Variants in GCNT1 observed in about 807,000 individuals in gnomAD.
GCNT1 encodes the protein glucosaminyl (N-acetyl) transferase 1, also known as beta-1,3-galactosyl-O-glycosyl-glycoprotein beta-1,6-N-acetylglucosaminyltransferase.
A neutral mutation model predicts 26.2 loss-of-function variants in GCNT1; 16 were observed. The observed-to-expected ratio is 0.61, with a 90% confidence interval of 0.41 to 0.93. The LOEUF (loss-of-function observed/expected upper bound fraction) is 0.93, where lower values mean the gene tolerates loss of function less well. Among genes scored for constraint, GCNT1 ranks in the 40% least tolerant of loss-of-function variants. The probability of loss-of-function intolerance (pLI) is 0.00; values close to 1 mark genes in which losing one functional copy is unlikely to be tolerated. For synonymous variants in GCNT1, 183 were observed against 190.8 expected (o/e 0.96, Z 0.34); for missense variants, 477 against 526.7 (o/e 0.91, Z 0.92).
At chr9:76,462,917 A>G (rs1034071194) in intron 2 of GCNT1, among the ~76,000 whole-genome samples, 1 of 152,228 alleles carries the variant, frequency 6.6e-6, no homozygotes, top group South Asian at 2.1e-4. Flanking sequence ...TAAAAAGTTG[A>G]AAATGAAAAA....
Position 76,503,552 on chromosome 9 carries a change from A to G in GCNT1, c.1171A>G (p.Met391Val), listed in dbSNP as rs748889157. 8.1e-6 allele frequency: 13 copies of G among 1,614,038 alleles called. No individual in the cohort carries two copies. Among genetic ancestry groups the G allele is most frequent in the Middle Eastern group, 1.6e-4 (1 of 6,084 alleles). ...TTTCGGAGCTGGTGACTTGAACTGGATGCTGCGCAAACACCACTTGTTTGC... is the reference window on the plus strand; with the variant it reads ...TTTCGGAGCTGGTGACTTGAACTGGGTGCTGCGCAAACACCACTTGTTTGC... ...CIFGAGDLNW[M>V]LRKHHLFANK... Residue 391 changes from methionine (M) to valine (V), a missense_variant, in exon 4 of 4, where the codon ATG (methionine) becomes GTG (valine). Met to Val is a conservative substitution (Grantham distance 21). Coordinates refer to ENST00000376730, the MANE Select transcript of GCNT1 (RefSeq NM_001490.5).
At chr9:76,486,087 G>T (rs183265572) in intron 2 of GCNT1, among the ~76,000 whole-genome samples, 1 of 152,218 alleles carries the variant, frequency 6.6e-6, no homozygotes, top group Non-Finnish European at 1.5e-5. Flanking sequence ...GCCAGATTAT[G>T]TGAGTTTGAA....
At position 76,506,871 on chromosome 9, in the gene GCNT1, G is replaced by A. The variant is rs1825252379; in HGVS notation, c.*3203G>A. ...GTTCGTTTTCTCTGTAGGGTCGATT[G>A]AATTGGACCTTTTCAGTTGTTCAGA... is the stretch of plus-strand genomic sequence containing the variant. On this transcript the variant is annotated 3_prime_UTR_variant, in exon 4 of 4. Coordinates refer to ENST00000376730, the MANE Select transcript of GCNT1 (RefSeq NM_001490.5). The A allele has an allele frequency of 6.0e-6, 1 of 166,936 alleles. No individual in the cohort carries two copies. The highest frequency in any genetic ancestry group is 2.1e-4 in the South Asian group (1 of 4,816). The allele number at this position is 166,936 out of a possible 1,614,324, so 10.3% of individuals were successfully genotyped here. A position where few individuals can be genotyped will look rare whatever the true frequency, so the allele number is the denominator to read the frequency against.
chr9:76,407,093 C>T, the GCNT1 span, among the ~76,000 whole-genome samples: 2 of 151,790 alleles, frequency 1.3e-5, no homozygotes, highest in Non-Finnish European at 2.9e-5. Context: ...AGATTTTCTC[C>T]TATGTTATCT....
chr9:76,498,598 C>T (rs1383925874), intron 2 of GCNT1, among the ~76,000 whole-genome samples: 2 of 151,980 alleles, frequency 1.3e-5, no homozygotes, highest in East Asian at 3.9e-4. Context: ...CATCATGAAA[C>T]CCCGTCTCTA....
chr9:76,395,973 GA>G, the GCNT1 span, among the ~76,000 whole-genome samples: 1 of 152,108 alleles, frequency 6.6e-6, no homozygotes, highest in Non-Finnish European at 1.5e-5. Flanking sequence ...AGGTCAGAAT[GA>G]TTTTTTTGTA....
chr9:76,419,019 G>C (rs567772403), upstream of GCNT1, among the ~76,000 whole-genome samples: 8 of 152,278 alleles, frequency 5.3e-5, no homozygotes, highest in East Asian at 1.9e-4. Flanking sequence ...AGGCTGGAGG[G>C]GGGTGTCAGA....
intron 1 of GCNT1, among the ~76,000 whole-genome samples, chr9:76,452,003 C>T (rs1823675406): frequency 7.7e-6 from 1 of 130,654 alleles, no homozygotes; most frequent in African/African-American, 2.9e-5. Context: ...GAGTCTCTCT[C>T]TGTCGCCCAG....
rs137965616 is a variant in GCNT1 at position 76,505,052 on chromosome 9, G to T, written c.*1384G>T. On this transcript the variant is annotated 3_prime_UTR_variant, in exon 4 of 4. Transcript: ENST00000376730. ...ATTCAAATCTTAAAAAGAAATTCTC[G>T]TACTTTTGCCATGTTGATACTGTTC... The T allele has an allele frequency of 8.3e-4, 344 of 412,326 alleles. 3 individuals are homozygous for T. Among genetic ancestry groups the T allele is most frequent in the African/African-American group, 6.2e-3 (303 of 48,688 alleles). 25.5% of individuals were successfully genotyped at this position (412,326 alleles called of 1,614,324 possible). A position where few individuals can be genotyped will look rare whatever the true frequency, so the allele number is the denominator to read the frequency against.
chr9:76,503,064 A>G lies in GCNT1; in HGVS notation c.683A>G (p.Glu228Gly). 1 of 1,614,126 alleles carries G rather than the reference A, an allele frequency of 6.2e-7. No individual in the cohort carries two copies. Among genetic ancestry groups the G allele is most frequent in the Non-Finnish European group, 8.5e-7 (1 of 1,180,014 alleles). Reference sequence around the variant, plus strand: ...GATTTTCCCATTAAAACCAACCTAGAAATTGTCAGGAAGCTCAAGTTGTTA... The same window carrying G: ...GATTTTCCCATTAAAACCAACCTAGGAATTGTCAGGAAGCTCAAGTTGTTA... ...GMDFPIKTNL[E>G]IVRKLKLLMG... The change falls in exon 4 of 4, where the codon GAA becomes GGA. Residue 228 changes from glutamate (E) to glycine (G), a missense_variant. By Grantham distance (98) the Glu-to-Gly change is moderately conservative. Coordinates refer to ENST00000376730, the MANE Select transcript of GCNT1 (RefSeq NM_001490.5).
At chr9:76,454,661 G>A (rs1823724563), upstream of GCNT1, among the ~76,000 whole-genome samples, 1 of 151,518 alleles carries the variant, frequency 6.6e-6, no homozygotes, top group Non-Finnish European at 1.5e-5. Flanking sequence ...TTGTTTTTGT[G>A]ATAGTGAGTG....
the GCNT1 span, among the ~76,000 whole-genome samples, chr9:76,404,835 T>A: frequency 6.6e-6 from 1 of 152,098 alleles, no homozygotes; most frequent in Non-Finnish European, 1.5e-5. Flanking sequence ...TTTTTTTTTT[T>A]TAAACAGAGT....
At chr9:76,438,661 G>A (rs1351249848), upstream of GCNT1, among the ~76,000 whole-genome samples, 1 of 152,094 alleles carries the variant, frequency 6.6e-6, no homozygotes, top group Non-Finnish European at 1.5e-5. Flanking sequence ...TCATCCTTCT[G>A]AGTAAAAATT....
chr9:76,451,948 CTTT>C (rs747978017), intron 1 of GCNT1, among the ~76,000 whole-genome samples: 1 of 98,434 alleles, frequency 1.0e-5, no homozygotes. Context: ...TTCTTTCTTT[CTTT>C]TTTTTTTTTT....
At chr9:76,485,261 C>T (rs1017485839) in intron 2 of GCNT1, among the ~76,000 whole-genome samples, 8 of 152,124 alleles carry the variant, frequency 5.3e-5, no homozygotes, top group African/African-American at 1.9e-4. Context: ...CAACCTCCAC[C>T]TCCCAGGTTC....
intron 2 of GCNT1, among the ~76,000 whole-genome samples, chr9:76,498,645 T>G (rs1587456796): frequency 1.3e-5 from 2 of 151,742 alleles, no homozygotes; most frequent in East Asian, 1.9e-4. Flanking sequence ...TGGGGGCGGG[T>G]GCCTGTAATC....
At position 76,505,144 on chromosome 9, in the gene GCNT1, A is replaced by G. The variant is rs755225321; in HGVS notation, c.*1476A>G. 7.4e-6 allele frequency: 3 copies of G among 407,514 alleles called. No individual in the cohort carries two copies. Among genetic ancestry groups the G allele is most frequent in the Non-Finnish European group, 1.3e-5 (3 of 222,986 alleles). The allele number at this position is 407,514 out of a possible 1,614,324, so 25.2% of individuals were successfully genotyped here. Reference sequence around the variant, plus strand: ...CATTAGACTTTAAACAAGAATTAAAATCATGTGCTGTATTTTTAAAATCTA... The same window carrying G: ...CATTAGACTTTAAACAAGAATTAAAGTCATGTGCTGTATTTTTAAAATCTA... On this transcript the variant is annotated 3_prime_UTR_variant, in exon 4 of 4. Coordinates refer to ENST00000376730, the MANE Select transcript of GCNT1 (RefSeq NM_001490.5).
At chr9:76,440,680 C>T (rs888372864), upstream of GCNT1, among the ~76,000 whole-genome samples, 5 of 152,172 alleles carry the variant, frequency 3.3e-5, no homozygotes, top group Non-Finnish European at 5.9e-5. Context: ...GAAAGTGGCT[C>T]ATCCACAAGA....
At chr9:76,433,934 G>A (rs1222145010) in intron 1 of GCNT1, among the ~76,000 whole-genome samples, 1 of 152,164 alleles carries the variant, frequency 6.6e-6, no homozygotes, top group Non-Finnish European at 1.5e-5. Flanking sequence ...CTGAGCTGAT[G>A]CCTGTGAAAG....
Sources: allele counts gnomAD v4.1 joint callset (sites outside exome capture counted in the v4.1 genomes callset), GRCh38; gene constraint gnomAD v4.1.1; transcripts MANE v1.5; gene names NCBI Gene and HGNC (gene_info 2026-07-23, HGNC 2026-07-21).